NLGN4Y: variants seen among roughly 807,000 people sequenced by gnomAD.
NLGN4Y encodes neuroligin 4 Y-linked.
A neutral mutation model predicts 8.4 loss-of-function variants in NLGN4Y; 4 were observed. The ratio of observed to expected loss-of-function variants is 0.48; its 90% confidence interval spans 0.23 to 1.09. NLGN4Y has a LOEUF of 1.09. Ranked by LOEUF, NLGN4Y falls within the 50% of genes least tolerant of loss-of-function variation. The pLI is 0.19. For synonymous variants in NLGN4Y, 35 were observed against 75.6 expected (o/e 0.46, Z 2.78); for missense variants, 90 against 192.3 (o/e 0.47, Z 3.15).
intron 2 of NLGN4Y, among the ~76,000 whole-genome samples, chrY:14,660,899 C>T: frequency 3.0e-5 from 1 of 32,967 alleles, no homozygotes; most frequent in African/African-American, 1.2e-4. Flanking sequence ...ATCTTTATTT[C>T]GGTGGCAGTA....
At chrY:14,707,352 T>C (rs2080885507) in intron 2 of NLGN4Y, among the ~76,000 whole-genome samples, 3 of 27,951 alleles carry the variant, frequency 1.1e-4, no homozygotes, top group Non-Finnish European at 1.7e-4. Context: ...ACCATGCCTG[T>C]ATAATTTTTG....
intron 4 of NLGN4Y, among the ~76,000 whole-genome samples, chrY:14,773,630 A>G: frequency 3.0e-5 from 1 of 33,164 alleles, no homozygotes; most frequent in Non-Finnish European, 7.5e-5. Flanking sequence ...TAAGCAGAAA[A>G]AAAATAGCTG....
chrY:14,713,636 G>A, intron 2 of NLGN4Y, among the ~76,000 whole-genome samples: 1 of 33,251 alleles, frequency 3.0e-5, no homozygotes, highest in African/African-American at 1.2e-4. Context: ...TTGTAGAGAC[G>A]AGCTTTCCCC....
intron 4 of NLGN4Y, among the ~76,000 whole-genome samples, chrY:14,724,925 G>A (rs1042490278): frequency 8.2e-4 from 27 of 32,884 alleles, no homozygotes; most frequent in Admixed American, 2.0e-3. Context: ...TACAGGTGTT[G>A]GCGACCTTGC....
At chrY:14,743,181 C>T (rs2081012444) in intron 4 of NLGN4Y, among the ~76,000 whole-genome samples, 2 of 32,941 alleles carry the variant, frequency 6.1e-5, no homozygotes, top group East Asian at 7.9e-4. Context: ...ACTTCTACTT[C>T]GGTTTCATGT....
chrY:14,614,947 CA>C (rs2080482678), intron 1 of NLGN4Y, among the ~76,000 whole-genome samples: 5 of 32,241 alleles, frequency 1.6e-4, no homozygotes, highest in Non-Finnish European at 3.8e-4. Flanking sequence ...TACTTTAAAG[CA>C]GTTTTTTTGT....
intron 1 of NLGN4Y, among the ~76,000 whole-genome samples, chrY:14,619,012 G>T: frequency 1.2e-4 from 4 of 33,898 alleles, no homozygotes; most frequent in Non-Finnish European, 2.2e-4. Flanking sequence ...CTTAGGAAGC[G>T]TACAGGTGCC....
intron 1 of NLGN4Y, among the ~76,000 whole-genome samples, chrY:14,549,908 A>G: frequency 3.0e-5 from 1 of 33,524 alleles, no homozygotes; most frequent in Non-Finnish European, 7.4e-5. Context: ...AGAAGCTCCA[A>G]CAGTGGAGAC....
chrY:14,534,056 A>G (rs1056403004), intron 1 of NLGN4Y, among the ~76,000 whole-genome samples: 2 of 33,429 alleles, frequency 6.0e-5, no homozygotes, highest in Non-Finnish European at 7.4e-5. Context: ...CAGTAACCAT[A>G]CATGTGTATG....
At chrY:14,778,716 G>T (rs2081135982) in intron 4 of NLGN4Y, among the ~76,000 whole-genome samples, 3 of 33,648 alleles carry the variant, frequency 8.9e-5, no homozygotes, top group Non-Finnish European at 2.2e-4. Flanking sequence ...ATAAATAATA[G>T]ATGTATATAT....
At chrY:14,534,768 CGTGTGTGTGT>C (rs112527610) in intron 1 of NLGN4Y, among the ~76,000 whole-genome samples, 1 of 20,147 alleles carries the variant, frequency 5.0e-5, no homozygotes, top group South Asian at 1.1e-3. Context: ...TTTTATCTCT[CGTGTGTGTGT>C]GTGTGTGTGT....
At chrY:14,753,997 T>C (rs951040472) in intron 4 of NLGN4Y, among the ~76,000 whole-genome samples, 62 of 32,858 alleles carry the variant, frequency 1.9e-3, no homozygotes, top group Non-Finnish European at 2.7e-3. Flanking sequence ...TCTCATTCTG[T>C]CATCCACACT....
intron 4 of NLGN4Y, among the ~76,000 whole-genome samples, chrY:14,764,954 T>C (rs756406739): frequency 2.9e-5 from 1 of 34,355 alleles, no homozygotes; most frequent in Non-Finnish European, 7.3e-5. Context: ...TTGATTAAAA[T>C]AGAGCCAAGT....
rs748104792 is a variant in NLGN4Y at position 14,723,243 on chromosome Y, C to T, written c.659C>T (p.Thr220Ile). Reference sequence around the variant, plus strand: ...AGCTATGGGAACGTCATCGTTATCACCATTAACTACCGTCTGGGAATACTA... The same window carrying T: ...AGCTATGGGAACGTCATCGTTATCATCATTAACTACCGTCTGGGAATACTA... ...LASYGNVIVI[T>I]INYRLGILGF... is the part of the protein sequence containing the mutation. Residue 220 changes from threonine (T) to isoleucine (I), a missense_variant, in exon 4 of 7, where the codon ACC (threonine) becomes ATC (isoleucine). Transcript: ENST00000684976. 2.5e-6 allele frequency: 1 copy of T among 397,366 alleles called. No individual in the cohort carries two copies. The highest frequency in any genetic ancestry group is 3.5e-6 in the Non-Finnish European group (1 of 282,810).
intron 2 of NLGN4Y, among the ~76,000 whole-genome samples, chrY:14,657,440 G>T (rs1027765947): frequency 6.1e-5 from 2 of 32,662 alleles, no homozygotes; most frequent in Admixed American, 2.9e-4. Flanking sequence ...CTTTTGTTTG[G>T]GTTTGTCTGA....
intron 4 of NLGN4Y, among the ~76,000 whole-genome samples, chrY:14,790,286 T>C (rs2042980651): frequency 3.0e-5 from 1 of 33,672 alleles, no homozygotes; most frequent in Admixed American, 2.7e-4. Context: ...AATCAGAGAA[T>C]GGCACTTTAT....
chrY:14,727,384 T>G (rs760352510), intron 4 of NLGN4Y, among the ~76,000 whole-genome samples: 9 of 33,178 alleles, frequency 2.7e-4, no homozygotes, highest in Non-Finnish European at 6.7e-4. Flanking sequence ...AGCAGAGAGA[T>G]ATTTCCTGAT....
chrY:14,674,216 C>CTTTTATTT (rs2080738828), intron 2 of NLGN4Y, among the ~76,000 whole-genome samples: 1 of 21,653 alleles, frequency 4.6e-5, no homozygotes, highest in Non-Finnish European at 1.0e-4. Context: ...TTTAAAGCCA[C>CTTTTATTT]AAAATAAAAT....
intron 4 of NLGN4Y, among the ~76,000 whole-genome samples, chrY:14,757,558 T>C (rs2081065606): frequency 3.0e-5 from 1 of 33,091 alleles, no homozygotes; most frequent in African/African-American, 1.2e-4. Context: ...TCTCATTTTG[T>C]TTTTCTTATT....
Sources: allele counts gnomAD v4.1 joint callset (sites outside exome capture counted in the v4.1 genomes callset), GRCh38; gene constraint gnomAD v4.1.1; transcripts MANE v1.5; gene names NCBI Gene and HGNC (gene_info 2026-07-23, HGNC 2026-07-21).